ROR1: variants seen among roughly 807,000 people sequenced by gnomAD.
ROR1 encodes the protein inactive tyrosine-protein kinase transmembrane receptor ROR1.
A neutral mutation model predicts 78.8 loss-of-function variants in ROR1; 19 were observed. The observed-to-expected ratio is 0.24, with a 90% CI of 0.17 to 0.35. The LOEUF is 0.35. ROR1 is among the 10% of genes least tolerant of loss of function. The pLI is 1.00. For synonymous variants in ROR1, 386 were observed against 433.6 expected (o/e 0.89, Z 1.36); for missense variants, 917 against 1,177.8 (o/e 0.78, Z 3.24).
At chr1:64,153,113 G>A (rs1198426394) in intron 7 of ROR1, among the ~76,000 whole-genome samples, 1 of 152,118 alleles carries the variant, frequency 6.6e-6, no homozygotes, top group Non-Finnish European at 1.5e-5. Flanking sequence ...GTGGGCAAAG[G>A]ACTTGAATAG....
At chr1:63,848,418 T>C (rs1645094768) in intron 1 of ROR1, among the ~76,000 whole-genome samples, 1 of 152,206 alleles carries the variant, frequency 6.6e-6, no homozygotes, top group Admixed American at 6.5e-5. Flanking sequence ...GAATCCTTCT[T>C]TTGTTAAACT....
At chr1:63,886,407 A>T (rs898857431) in intron 1 of ROR1, among the ~76,000 whole-genome samples, 3 of 152,276 alleles carry the variant, frequency 2.0e-5, no homozygotes, top group Admixed American at 6.5e-5. Context: ...TTCTTAGCAC[A>T]AACATTCTTG....
intron 1 of ROR1, among the ~76,000 whole-genome samples, chr1:63,950,868 T>C (rs547699971): frequency 2.0e-5 from 3 of 152,192 alleles, no homozygotes; most frequent in Admixed American, 1.3e-4. Context: ...GAGCAGAAAA[T>C]GACATTGAAA....
intron 1 of ROR1, among the ~76,000 whole-genome samples, chr1:63,834,203 T>C (rs866192106): frequency 6.6e-6 from 1 of 151,742 alleles, no homozygotes; most frequent in South Asian, 2.1e-4. Flanking sequence ...CATGGGGCAT[T>C]TGAGCTGAGG....
intron 1 of ROR1, among the ~76,000 whole-genome samples, chr1:63,874,524 C>G (rs1262043716): frequency 6.6e-6 from 1 of 152,058 alleles, no homozygotes; most frequent in African/African-American, 2.4e-5. Flanking sequence ...TCTGTTCTTC[C>G]CACTTCTGCT....
chr1:63,929,472 T>G (rs1183361430), intron 1 of ROR1, among the ~76,000 whole-genome samples: 1 of 152,168 alleles, frequency 6.6e-6, no homozygotes, highest in South Asian at 2.1e-4. Context: ...GCCTTTTACC[T>G]TATTGGAGAT....
At chr1:63,865,375 G>C (rs1295195688) in intron 1 of ROR1, among the ~76,000 whole-genome samples, 1 of 152,088 alleles carries the variant, frequency 6.6e-6, no homozygotes, top group East Asian at 1.9e-4. Context: ...TGTCATTTTT[G>C]CTGTACTCTG....
chr1:63,840,305 G>C (rs1329204069), intron 1 of ROR1, among the ~76,000 whole-genome samples: 1 of 147,796 alleles, frequency 6.8e-6, no homozygotes, highest in Non-Finnish European at 1.5e-5. Context: ...TTGAGATGGA[G>C]TTTCACTCTT....
At position 63,774,397 on chromosome 1, in the gene ROR1, GC is replaced by G; in HGVS notation, c.-19del. ...GCGCGGCCTGGGAGCCGCCGCCGCC[GC>G]CGCCTCAGCGAGAGGAGGAATGCAC... On this transcript the variant is annotated 5_prime_UTR_variant, in exon 1 of 9. Transcript: ENST00000371079. The surrounding 1 kb of genome is among the most constrained non-coding windows in gnomAD (Gnocchi z 5.7). The G allele has an allele frequency of 8.0e-7, 1 of 1,253,846 alleles. No individual in the cohort carries two copies. Among genetic ancestry groups the G allele is most frequent in the Non-Finnish European group, 1.0e-6 (1 of 993,150 alleles). The allele number at this position is 1,253,846 out of a possible 1,614,324, so 77.7% of individuals were successfully genotyped here. A position where few individuals can be genotyped will look rare whatever the true frequency, so the allele number is the denominator to read the frequency against.
chr1:64,067,905 G>A (rs916847440), intron 4 of ROR1, among the ~76,000 whole-genome samples: 1 of 151,766 alleles, frequency 6.6e-6, no homozygotes, highest in Non-Finnish European at 1.5e-5. Context: ...GTAGAGACGG[G>A]GTTTCACTGT....
At chr1:63,969,695 A>G (rs1646103801) in intron 1 of ROR1, among the ~76,000 whole-genome samples, 1 of 152,090 alleles carries the variant, frequency 6.6e-6, no homozygotes, top group Admixed American at 6.6e-5. Context: ...TGAACCGTCC[A>G]GTTCTGTGGA....
At chr1:63,786,047 G>A (rs1203543745) in intron 1 of ROR1, among the ~76,000 whole-genome samples, 1 of 151,708 alleles carries the variant, frequency 6.6e-6, no homozygotes, top group Non-Finnish European at 1.5e-5. Flanking sequence ...CACTGAGGAA[G>A]GGGGGAGCTG....
chr1:63,813,215 G>A (rs1644870769), intron 1 of ROR1, among the ~76,000 whole-genome samples: 1 of 152,190 alleles, frequency 6.6e-6, no homozygotes, highest in Non-Finnish European at 1.5e-5. Context: ...AAATGGGGGA[G>A]CATGTTTTCT....
chr1:63,973,817 A>C (rs1167026884), intron 1 of ROR1, among the ~76,000 whole-genome samples: 5 of 152,228 alleles, frequency 3.3e-5, no homozygotes, highest in African/African-American at 1.2e-4. Flanking sequence ...AATAATGAAC[A>C]CAGAACCCTA....
intron 1 of ROR1, among the ~76,000 whole-genome samples, chr1:63,998,365 A>T (rs570551381): frequency 1.3e-5 from 2 of 151,878 alleles, no homozygotes; most frequent in Admixed American, 6.6e-5. Context: ...ATTAAATTAC[A>T]TGGTTGTTTT....
chr1:63,945,337 T>C (rs1645875625), intron 1 of ROR1, among the ~76,000 whole-genome samples: 2 of 152,140 alleles, frequency 1.3e-5, no homozygotes, highest in Admixed American at 1.3e-4. Flanking sequence ...CAATATTTTC[T>C]GTGTGTGATT....
intron 2 of ROR1, among the ~76,000 whole-genome samples, chr1:64,027,735 T>G (rs1329413681): frequency 6.6e-6 from 1 of 152,008 alleles, no homozygotes; most frequent in Non-Finnish European, 1.5e-5. Flanking sequence ...GTTGCCAGGC[T>G]GGAATGCAGT....
chr1:63,883,454 C>T (rs1226986704), intron 1 of ROR1, among the ~76,000 whole-genome samples: 4 of 152,030 alleles, frequency 2.6e-5, no homozygotes, highest in Non-Finnish European at 5.9e-5. Context: ...TTTTCTGGGC[C>T]ACTCACTCAA....
intron 1 of ROR1, among the ~76,000 whole-genome samples, chr1:63,865,162 A>T (rs576223893): frequency 3.5e-4 from 54 of 152,140 alleles, no homozygotes; most frequent in African/African-American, 1.2e-3. Context: ...ATTTTTTTTT[A>T]AATGTTATTG....
Sources: gnomAD v4.1 joint callset for allele counts (sites outside exome capture counted in the v4.1 genomes callset) on GRCh38, gnomAD v4.1.1 for gene constraint, Gnocchi (gnomAD v3.1) non-coding constraint, MANE v1.5 for transcripts, NCBI Gene and HGNC (gene_info 2026-07-23, HGNC 2026-07-21) for gene names.